NOC2L: variants seen among roughly 807,000 people sequenced by gnomAD.
The protein encoded by NOC2L is NOC2 like nucleolar associated transcriptional repressor.
Under a neutral mutation model 94.2 loss-of-function variants are expected in NOC2L, and 101 were observed. That is an observed-to-expected ratio of 1.07 (90% confidence interval 0.91 to 1.26). The LOEUF is 1.26. NOC2L is among the 50% of genes most tolerant of loss of function. The pLI is 0.00. For synonymous variants in NOC2L, 531 were observed against 413.4 expected (o/e 1.28, Z -3.45); for missense variants, 1,076 against 980.1 (o/e 1.10, Z -1.31).
intron 9 of NOC2L, 103 bp from the exon 10 acceptor site, chr1:952,703 G>A (rs1291880257): frequency 5.9e-6 from 7 of 1,186,568 alleles, no homozygotes; most frequent in Non-Finnish European, 8.7e-6. Context: ...CTCAGAGCTG[G>A]GCCTCGAGGA....
Position 953,769 on chromosome 1 carries a change from C to A in NOC2L, c.888+13G>T, listed in dbSNP as rs1186802768. The A allele has an allele frequency of 6.3e-7, 1 of 1,596,056 alleles. No homozygotes were observed. The highest frequency in any genetic ancestry group is 1.7e-5 in the Admixed American group (1 of 59,972). On this transcript the variant is annotated intron_variant, in intron 8 of 18. Transcript: ENST00000327044. ...CCCCATGACAGACACAGGGAGGGGA[C>A]TGGGCCACGAACCTTGAGCAGCATG...
At chr1:946,362 C>T (rs771921278) in intron 15 of NOC2L, 40 bp downstream of exon 15, 1 of 1,612,990 alleles carries the variant, frequency 6.2e-7, no homozygotes, top group Non-Finnish European at 8.5e-7. Flanking sequence ...TATACCCTGG[C>T]AGGTGCCCTC....
At chr1:949,653 G>A (rs897640109) in intron 12 of NOC2L, among the ~76,000 whole-genome samples, 1 of 152,212 alleles carries the variant, frequency 6.6e-6, no homozygotes, top group African/African-American at 2.4e-5. Context: ...AAAGCACGTA[G>A]CCAAGGAGAT....
rs771679836 is a variant in NOC2L at position 946,294 on chromosome 1, G to C, written c.1804-8C>G. ...CAGCTTCTCCCAGGCTTCCTGGGGG[G>C]TTGGGGGAGTTCAGGGTCATGCCTC... On this transcript the variant is annotated splice_region_variant and splice_polypyrimidine_tract_variant and intron_variant, in intron 15 of 18. Transcript: ENST00000327044. 1.2e-6 allele frequency: 2 copies of C among 1,612,022 alleles called. No homozygotes were observed. The highest frequency in any genetic ancestry group is 1.1e-5 in the South Asian group (1 of 91,034).
chr1:951,255 C>T lies in NOC2L; in HGVS notation c.1332-17G>A, dbSNP rs551667382. The T allele has an allele frequency of 1.4e-5, 21 of 1,553,048 alleles. No individual in the cohort carries two copies. The East Asian group carries it at 4.1e-4, about 30-fold the overall frequency. ...GGGATGAGCCTGGGGGTGGGAAGGC[C>T]GAGTGAGCAGAGGCCCCGGCTCTGG... On this transcript the variant is annotated splice_polypyrimidine_tract_variant and intron_variant, in intron 11 of 18. Transcript: ENST00000327044.
intron 10 of NOC2L, 55 bp from the exon 11 acceptor site, chr1:952,194 C>A: frequency 6.3e-7 from 1 of 1,593,782 alleles, no homozygotes; most frequent in Non-Finnish European, 8.6e-7. Flanking sequence ...CAGGCTGATG[C>A]ACGTTCCTCC....
intron 12 of NOC2L, among the ~76,000 whole-genome samples, chr1:949,685 A>G (rs1642201343): frequency 2.0e-5 from 3 of 152,162 alleles, no homozygotes; most frequent in African/African-American, 7.2e-5. Context: ...AACAGACACA[A>G]AGCATGCCTG....
At chr1:951,414 T>C (rs1034117658) in intron 11 of NOC2L, among the ~76,000 whole-genome samples, 176 bp from the exon 12 acceptor site, 5 of 150,328 alleles carry the variant, frequency 3.3e-5, no homozygotes, top group Admixed American at 6.6e-5. Flanking sequence ...TGCAGGTACC[T>C]TACCCAGCTT....
rs568306861 is a variant in NOC2L at position 946,283 on chromosome 1, C to G, written c.1807G>C (p.Ala603Pro). 3.1e-6 allele frequency: 5 copies of G among 1,612,844 alleles called. No individual in the cohort carries two copies. The South Asian group carries it at 5.5e-5, about 18-fold the overall frequency. ...FGVSEQQAVE[A>P]WEKLTREEGT... ...TCTTCCCGGGTCAGCTTCTCCCAGG[C>G]TTCCTGGGGGGTTGGGGGAGTTCAG... Residue 603 changes from alanine to proline, a missense_variant, in exon 16 of 19, where the codon GCC becomes CCC. By Grantham distance (27) the Ala-to-Pro change is conservative (BLOSUM62 -1). This residue lies in a region of NOC2L where 615 missense variants were observed against 577.4 expected (regional missense o/e 1.07). Transcript: ENST00000327044.
chr1:948,033 G>C, intron 14 of NOC2L, 98 bp downstream of exon 14: 8 of 946,056 alleles, frequency 8.5e-6, no homozygotes, highest in Middle Eastern at 3.2e-4. Flanking sequence ...CCAGTCCCAG[G>C]TACCCGGGAC....
At chr1:953,647 G>C in intron 8 of NOC2L, 135 bp downstream of exon 8, 1 of 688,188 alleles carries the variant, frequency 1.5e-6, no homozygotes, top group South Asian at 1.8e-5. Flanking sequence ...AGGTGCTTCT[G>C]TGGCCTCTCT....
Position 947,666 on chromosome 1 carries a change from G to A in NOC2L, c.1659+465C>T, listed in dbSNP as rs748534086. On this transcript the variant is annotated intron_variant, in intron 14 of 18. Coordinates refer to ENST00000327044, the MANE Select transcript of NOC2L (RefSeq NM_015658.4). ...CACTCCTGCCTAAGATGAGGCTGACGTGGGGTATTTAGCGGGGCAGGCTGG... is the reference window on the plus strand; with the variant it reads ...CACTCCTGCCTAAGATGAGGCTGACATGGGGTATTTAGCGGGGCAGGCTGG... Among the ~76,000 whole-genome samples, 9 of 152,330 alleles carry A rather than the reference G, an allele frequency of 5.9e-5. No homozygotes were observed. The East Asian group carries it at 7.7e-4, about 13-fold the overall frequency.
intron 10 of NOC2L, 55 bp downstream of exon 10, chr1:952,357 C>A (rs1642282768): frequency 6.3e-7 from 1 of 1,592,196 alleles, no homozygotes; most frequent in Non-Finnish European, 8.6e-7. Context: ...GGGTCGGGCA[C>A]CTGGGCTGCC....
intron 11 of NOC2L, among the ~76,000 whole-genome samples, 163 bp from the exon 12 acceptor site, chr1:951,401 G>A (rs1158834144): frequency 6.6e-6 from 1 of 151,912 alleles, no homozygotes; most frequent in Non-Finnish European, 1.5e-5. Flanking sequence ...CCAGCTATGG[G>A]GCTGCAGGTA....
intron 11 of NOC2L, among the ~76,000 whole-genome samples, chr1:951,782 T>C (rs17160698): frequency 0.029 from 4,361 of 152,318 alleles, 200 homozygotes; most frequent in African/African-American, 0.095. Context: ...TAAACCGCTG[T>C]TGGAGGAGCT....
intron 16 of NOC2L, 21 bp from the exon 17 acceptor site, chr1:945,674 G>T (rs781373171): frequency 6.2e-7 from 1 of 1,614,092 alleles, no homozygotes; most frequent in African/African-American, 1.3e-5. Flanking sequence ...AAAGAACCAG[G>T]GGCTCAGGTG....
At position 945,572 on chromosome 1, in the gene NOC2L, G is replaced by C; in HGVS notation, c.1999C>G (p.Leu667Val). ...KDEDRKQFKDLFDLNSSEEDD... is the reference protein window; with the variant it reads ...KDEDRKQFKDVFDLNSSEEDD... ...TCTTCAGAGCTGTTCAGGTCAAAGA[G>C]GTCTTTAAATTGCTTCCTGTCCTCA... Residue 667 changes from leucine (L) to valine (V), a missense_variant, in exon 17 of 19, where the codon CTC (leucine) becomes GTC (valine). By Grantham distance (32) the Leu-to-Val change is conservative. Coordinates refer to ENST00000327044, the MANE Select transcript of NOC2L (RefSeq NM_015658.4). The C allele has an allele frequency of 6.2e-7, 1 of 1,614,162 alleles. No homozygotes were observed. The highest frequency in any genetic ancestry group is 8.5e-7 in the Non-Finnish European group (1 of 1,179,988).
intron 8 of NOC2L, among the ~76,000 whole-genome samples, chr1:953,545 T>A (rs532178462): frequency 6.6e-5 from 10 of 152,360 alleles, no homozygotes; most frequent in African/African-American, 1.9e-4. Flanking sequence ...GGGAAGAAGA[T>A]ACCTCACCGT....
Position 954,052 on chromosome 1 carries a change from C to A in NOC2L, c.729G>T (p.Trp243Cys), listed in dbSNP as rs1417077674. 6.2e-7 allele frequency: 1 copy of A among 1,610,272 alleles called. No individual in the cohort carries two copies. The highest frequency in any genetic ancestry group is 1.1e-5 in the South Asian group (1 of 90,846). The change falls in exon 7 of 19, where the codon TGG becomes TGT. Residue 243 changes from tryptophan to cysteine, a missense_variant. Trp to Cys is a radical substitution (Grantham distance 215, BLOSUM62 -2). Around this residue, in one of 3 missense-constraint regions of NOC2L, gnomAD observed 457 missense variants for 386.0 expected, o/e 1.18. Coordinates refer to ENST00000327044, the MANE Select transcript of NOC2L (RefSeq NM_015658.4). ...CCTTGATGTCCACACGAAGCTTCCC[C>A]CAGAGCGGGCTGCTGGACGGCTGCA... ...RMLQPSSSPLWGKLRVDIKAY... is the reference protein window; with the variant it reads ...RMLQPSSSPLCGKLRVDIKAY...
Sources: allele counts gnomAD v4.1 joint callset (sites outside exome capture counted in the v4.1 genomes callset), GRCh38; gene constraint gnomAD v4.1.1; regional missense constraint gnomAD v4.1.1; transcripts MANE v1.5; gene names NCBI Gene and HGNC (gene_info 2026-07-23, HGNC 2026-07-21).